INTS9: variants seen among roughly 807,000 people sequenced by gnomAD.
The protein encoded by INTS9 is protein related to CPSF subunits of 74 kDa.
Under a neutral mutation model 79.7 loss-of-function variants are expected in INTS9, and 55 were observed. The observed-to-expected ratio is 0.69, with a 90% CI of 0.56 to 0.86. The LOEUF (loss-of-function observed/expected upper bound fraction) is 0.86. Among genes scored for constraint, INTS9 ranks in the 40% least tolerant of loss-of-function variants. The pLI is 0.00. For missense variants in INTS9, 721 were observed against 831.5 expected, an observed-to-expected ratio of 0.87 and a Z score of 1.64; for synonymous variants, 319 against 325.2, an observed-to-expected ratio of 0.98 and a Z score of 0.20.
chr8:28,772,017 C>T (rs1431159045), intron 14 of INTS9, among the ~76,000 whole-genome samples: 2 of 152,144 alleles, frequency 1.3e-5, no homozygotes, highest in East Asian at 1.9e-4. Context: ...TGAACCACCA[C>T]GCCTGGCTAA....
rs149146416 is a variant in INTS9, at chr8:28,849,528, T to C, written c.198+685A>G. On this transcript the variant is annotated intron_variant, in intron 3 of 16. Transcript: ENST00000521022. ...TTAATCATCTATAAAGATTGTCCAT[T>C]CTAGGCTATCAGGACAGGTTGAAAC... Among the ~76,000 whole-genome samples the C allele has an allele frequency of 3.3e-3, 504 of 152,098 alleles. 3 individuals are homozygous for C. The highest frequency in any genetic ancestry group is 0.012 in the African/African-American group (478 of 41,494).
chr8:28,877,485 G>C (rs1257455920), intron 1 of INTS9, among the ~76,000 whole-genome samples: 1 of 152,004 alleles, frequency 6.6e-6, no homozygotes, highest in Non-Finnish European at 1.5e-5. Flanking sequence ...ATCTCTATGG[G>C]AGCATTTTTG....
rs769484884 is a variant in INTS9, at chr8:28,846,697, C to A, written c.261+50G>T. 6.1e-6 allele frequency: 8 copies of A among 1,312,548 alleles called. No individual in the cohort carries two copies. In the East Asian group the frequency reaches 1.4e-4, roughly 23 times the overall value. 81.3% of individuals were successfully genotyped at this position (1,312,548 alleles called of 1,614,324 possible). ...AATTATTTCTTGACTTCATTTTGAG[C>A]AATTACATAATAAGGTTTGTTTCTA... On this transcript the variant is annotated intron_variant, in intron 4 of 16. Coordinates refer to ENST00000521022, the MANE Select transcript of INTS9 (RefSeq NM_018250.4).
chr8:28,781,143 C>T (rs1803238961), intron 11 of INTS9, 149 bp from the exon 12 acceptor site: 1 of 622,284 alleles, frequency 1.6e-6, no homozygotes, highest in East Asian at 2.8e-5. Context: ...AAAAGTCACA[C>T]CTGAGAGAGG....
intron 2 of INTS9, among the ~76,000 whole-genome samples, chr8:28,857,226 C>T (rs184515326): frequency 1.3e-5 from 2 of 152,232 alleles, no homozygotes; most frequent in African/African-American, 2.4e-5. Flanking sequence ...GCAATGAACA[C>T]CGAAGATGTC....
At chr8:28,827,266 C>T (rs1662135516) in intron 6 of INTS9, among the ~76,000 whole-genome samples, 1 of 152,190 alleles carries the variant, frequency 6.6e-6, no homozygotes, top group South Asian at 2.1e-4. Context: ...ACTTGAGTGC[C>T]TGAAGAACTT....
intron 6 of INTS9, among the ~76,000 whole-genome samples, chr8:28,830,117 C>T (rs1224304476): frequency 2.6e-5 from 4 of 151,830 alleles, no homozygotes; most frequent in Admixed American, 6.6e-5. Flanking sequence ...GGAAAAATTT[C>T]CGTGAACTAG....
At chr8:28,826,011 G>A (rs1010939181) in intron 6 of INTS9, among the ~76,000 whole-genome samples, 20 of 152,252 alleles carry the variant, frequency 1.3e-4, no homozygotes, top group African/African-American at 4.1e-4. Context: ...GGCCAGTAGT[G>A]AGCATTAAAC....
At chr8:28,877,182 G>A (rs1458149115) in intron 1 of INTS9, among the ~76,000 whole-genome samples, 1 of 152,000 alleles carries the variant, frequency 6.6e-6, no homozygotes, top group Non-Finnish European at 1.5e-5. Context: ...CAATGAACAG[G>A]AACAAATACT....
chr8:28,805,237 G>A (rs1165985902), intron 8 of INTS9, among the ~76,000 whole-genome samples: 1 of 152,136 alleles, frequency 6.6e-6, no homozygotes, highest in Admixed American at 6.5e-5. Context: ...TGGCTTCAGG[G>A]TTCTTAATGA....
intron 12 of INTS9, chr8:28,780,600 T>C: frequency 1.0e-6 from 1 of 985,474 alleles, no homozygotes; most frequent in Non-Finnish European, 1.2e-6. Flanking sequence ...TGGAGAAATC[T>C]GAAAACACAG....
At chr8:28,771,902 C>T (rs1483043619) in intron 14 of INTS9, among the ~76,000 whole-genome samples, 1 of 152,170 alleles carries the variant, frequency 6.6e-6, no homozygotes, top group East Asian at 1.9e-4. Context: ...ACTCTGCTGC[C>T]CAGGCTGGAG....
chr8:28,867,719 G>GTT (rs575142934), intron 1 of INTS9, among the ~76,000 whole-genome samples: 9 of 134,226 alleles, frequency 6.7e-5, no homozygotes, highest in African/African-American at 1.6e-4. Flanking sequence ...TAACAAGTCT[G>GTT]TTTTTTTTTT....
In INTS9 at chr8:28,768,241, T is replaced by C; in HGVS notation, c.1882A>G (p.Ile628Val). ...LLQEAETLIQ[I>V]EEDSTHIICD... is the part of the protein sequence containing the mutation. ...ATGATATGGGTCGAGTCTTCTTCAA[T>C]CTGGATGAGCGTCTCAGCCTCCTGG... Residue 628 changes from isoleucine (I) to valine (V), a missense_variant, in exon 17 of 17, where the codon ATT becomes GTT. This residue lies in a region of INTS9 where 281 missense variants were observed against 300.8 expected (regional missense o/e 0.93). Transcript: ENST00000521022. The C allele has an allele frequency of 1.9e-6, 3 of 1,614,146 alleles. No individual in the cohort carries two copies. In the East Asian group the frequency reaches 6.7e-5, roughly 36 times the overall value.
chr8:28,829,716 C>T (rs893384563), intron 6 of INTS9, among the ~76,000 whole-genome samples: 6 of 152,194 alleles, frequency 3.9e-5, no homozygotes, highest in African/African-American at 1.4e-4. Context: ...TCGAATACCT[C>T]TCAAAGTACC....
intron 6 of INTS9, among the ~76,000 whole-genome samples, chr8:28,833,193 G>C (rs2131164666): frequency 1.3e-5 from 2 of 152,212 alleles, no homozygotes; most frequent in South Asian, 4.1e-4. Flanking sequence ...AAGAAGATCT[G>C]CAAAAACTAA....
chr8:28,819,184 C>T (rs1805679821), intron 6 of INTS9, among the ~76,000 whole-genome samples: 3 of 152,130 alleles, frequency 2.0e-5, no homozygotes, highest in African/African-American at 7.2e-5. Context: ...TTATTTCTTG[C>T]CTTCTGCTAG....
chr8:28,800,927 T>A (rs1304849895), intron 8 of INTS9, among the ~76,000 whole-genome samples: 1 of 152,080 alleles, frequency 6.6e-6, no homozygotes, highest in African/African-American at 2.4e-5. Context: ...ATAGCAAGCG[T>A]GGAAAGAAAC....
intron 6 of INTS9, among the ~76,000 whole-genome samples, chr8:28,826,828 C>CT (rs1227101591): frequency 1.3e-5 from 2 of 152,158 alleles, no homozygotes; most frequent in Non-Finnish European, 2.9e-5. Context: ...AAATCTTAAA[C>CT]TTTTTTGGGC....
Sources: allele counts gnomAD v4.1 joint callset (sites outside exome capture counted in the v4.1 genomes callset), GRCh38; gene constraint gnomAD v4.1.1; regional missense constraint gnomAD v4.1.1; transcripts MANE v1.5; gene names NCBI Gene and HGNC (gene_info 2026-07-23, HGNC 2026-07-21).